ZNF717: variants seen among roughly 807,000 people sequenced by gnomAD.
ZNF717 encodes zinc finger protein 717.
ZNF717 carries 9 observed loss-of-function variants against 13.8 expected under a neutral mutation model. That is an observed-to-expected ratio of 0.65 (90% CI 0.39 to 1.14). The LOEUF (loss-of-function observed/expected upper bound fraction) is 1.14, where lower values mean the gene tolerates loss of function less well. Ranked by LOEUF, ZNF717 falls within the 50% of genes most tolerant of loss-of-function variation. ZNF717 has a pLI of 0.01. For synonymous variants in ZNF717, 327 were observed against 364.1 expected (o/e 0.90, Z 1.16); for missense variants, 1,040 against 1,080.7 (o/e 0.96, Z 0.53).
At chr3:75,728,507 T>C (rs1938343544), downstream of ZNF717, among the ~76,000 whole-genome samples, 1 of 152,244 alleles carries the variant, frequency 6.6e-6, no homozygotes, top group African/African-American at 2.4e-5. Context: ...AATCTCACCA[T>C]AAATTGCAAT....
In ZNF717 at chr3:75,720,867, CCTTT is replaced by C. The variant is rs1938154430; in HGVS notation, n.545-4330_545-4327del. On this transcript the variant is annotated intron_variant and non_coding_transcript_variant, in intron 4 of 5. Transcript: ENST00000491507. ...AAATACTCAAAATAAAAAGCAATCG[CCTTT>C]CTTACTCCTTCTTCTCTCTTCATTC... Among the ~76,000 whole-genome samples the C allele has an allele frequency of 9.9e-5, 15 of 152,220 alleles. No individual in the cohort carries two copies. The South Asian group carries it at 3.1e-3, about 32-fold the overall frequency.
chr3:75,753,864 C>T (rs1331163931), intron 2 of ZNF717, among the ~76,000 whole-genome samples: 4 of 149,108 alleles, frequency 2.7e-5, no homozygotes, highest in Non-Finnish European at 4.5e-5. Context: ...CAGAACACTG[C>T]TACAAGGGTC....
downstream of ZNF717, among the ~76,000 whole-genome samples, chr3:75,707,594 C>A (rs75527496): frequency 9.3e-6 from 1 of 107,860 alleles, no homozygotes; most frequent in Non-Finnish European, 2.0e-5. Flanking sequence ...GAGTGCCAGA[C>A]AGTGGGTGCA....
downstream of ZNF717, among the ~76,000 whole-genome samples, chr3:75,731,604 C>T (rs2918498): frequency 0.85 from 127,309 of 150,518 alleles, 52,771 homozygotes; most frequent in East Asian, 0.9. Context: ...AATCAGTCCA[C>T]CTTAACAACA....
rs546577470 is a variant in ZNF717 at position 75,778,305 on chromosome 3, G to A, written c.57+5001C>T. ...CTAAAACTGGAACCCAAAACAATGG[G>A]AGTGATCTGCTAAAACCGGAACCCA... On this transcript the variant is annotated intron_variant, in intron 2 of 4. Transcript: ENST00000652011. 8.1e-4 allele frequency among the ~76,000 whole-genome samples: 123 copies of A among 151,786 alleles called. 1 individual carries two copies. Among genetic ancestry groups the A allele is most frequent in the African/African-American group, 2.7e-3 (112 of 41,444 alleles).
At chr3:75,702,495 G>T in intron 6 of ZNF717, among the ~76,000 whole-genome samples, 1 of 151,076 alleles carries the variant, frequency 6.6e-6, no homozygotes, top group Non-Finnish European at 1.5e-5. Context: ...GGAACAGGGG[G>T]ATAGTGGGGG....
chr3:75,782,694 A>G (rs76739768), intron 2 of ZNF717, among the ~76,000 whole-genome samples: 3 of 139,926 alleles, frequency 2.1e-5, no homozygotes, highest in South Asian at 2.2e-4. Context: ...CATTTCCACT[A>G]CACAACACAC....
intron 2 of ZNF717, among the ~76,000 whole-genome samples, chr3:75,748,113 GA>G: frequency 6.6e-6 from 1 of 152,162 alleles, no homozygotes; most frequent in Non-Finnish European, 1.5e-5. Context: ...TAAATTCCTT[GA>G]CACATAAACC....
chr3:75,732,104 C>G, downstream of ZNF717: 1 of 703,008 alleles, frequency 1.4e-6, no homozygotes, highest in South Asian at 1.5e-5. Flanking sequence ...CCTGAGAAAA[C>G]TTGCTTCTTG....
chr3:75,726,356 C>T (rs1310307813), downstream of ZNF717, among the ~76,000 whole-genome samples: 1 of 152,264 alleles, frequency 6.6e-6, no homozygotes, highest in Non-Finnish European at 1.5e-5. Context: ...GGCACAGTGG[C>T]TCATGCCTGT....
intron 2 of ZNF717, among the ~76,000 whole-genome samples, chr3:75,770,108 G>A (rs1241828394): frequency 2.0e-5 from 3 of 152,126 alleles, no homozygotes; most frequent in Admixed American, 6.5e-5. Flanking sequence ...CACAGTGCTG[G>A]CCAGATGCAC....
At chr3:75,747,732 G>A (rs1352103392) in intron 2 of ZNF717, among the ~76,000 whole-genome samples, 9 of 152,178 alleles carry the variant, frequency 5.9e-5, no homozygotes, top group Non-Finnish European at 1.0e-4. Context: ...CTTCGCTGAA[G>A]CTGCTTATCA....
chr3:75,738,151 T>A lies in ZNF717; in HGVS notation c.1472A>T (p.Lys491Met). Residue 491 changes from lysine to methionine, a missense_variant, in exon 5 of 5, where the codon AAG becomes ATG. Physicochemically the swap from Lys to Met is moderately conservative, Grantham distance 95. Transcript: ENST00000652011. Reference protein sequence around the residue: ...CNECGKTFHRKSFLTIHQWTH... With the variant: ...CNECGKTFHRMSFLTIHQWTH... ...CCATTGATGGATAGTGAGGAATGAC[T>A]TACGGTGAAACGTTTTCCCACATTC... The A allele has an allele frequency of 1.5e-6, 2 of 1,368,854 alleles. No individual in the cohort carries two copies. Among genetic ancestry groups the A allele is most frequent in the Non-Finnish European group, 2.0e-6 (2 of 985,914 alleles). 84.8% of individuals were successfully genotyped at this position (1,368,854 alleles called of 1,614,324 possible).
chr3:75,710,653 C>T (rs1233548937), exon 6 of ZNF717: 1 of 152,150 alleles, frequency 6.6e-6, no homozygotes, highest in African/African-American at 2.4e-5. Context: ...TTGGTGCACT[C>T]TTTCTGTGAT....
chr3:75,769,453 C>G (rs557798554), intron 2 of ZNF717, among the ~76,000 whole-genome samples: 4 of 152,154 alleles, frequency 2.6e-5, no homozygotes, highest in Non-Finnish European at 5.9e-5. Context: ...ACCACCCTGT[C>G]CAGTGTCTTG....
intron 2 of ZNF717, among the ~76,000 whole-genome samples, chr3:75,756,690 T>C (rs1942516965): frequency 6.6e-6 from 1 of 152,162 alleles, no homozygotes; most frequent in Admixed American, 6.5e-5. Flanking sequence ...TTCTGTTTTT[T>C]TGAGACGGAG....
At chr3:75,747,610 C>T (rs1575811720) in intron 2 of ZNF717, among the ~76,000 whole-genome samples, 1 of 152,108 alleles carries the variant, frequency 6.6e-6, no homozygotes, top group African/African-American at 2.4e-5. Flanking sequence ...GTAACTTATT[C>T]TCTTTGAAGC....
At chr3:75,769,080 C>A (rs188503142) in intron 2 of ZNF717, among the ~76,000 whole-genome samples, 1 of 152,172 alleles carries the variant, frequency 6.6e-6, no homozygotes, top group African/African-American at 2.4e-5. Context: ...CAGGTTCCTA[C>A]TATGCTTCTC....
At chr3:75,727,432 G>A (rs1938307767), downstream of ZNF717, among the ~76,000 whole-genome samples, 1 of 152,152 alleles carries the variant, frequency 6.6e-6, no homozygotes, top group African/African-American at 2.4e-5. Flanking sequence ...AGATGGACGT[G>A]TGAGTAAGAG....
Sources: allele counts gnomAD v4.1 joint callset (sites outside exome capture counted in the v4.1 genomes callset), GRCh38; gene constraint gnomAD v4.1.1; transcripts MANE v1.5; gene names NCBI Gene and HGNC (gene_info 2026-07-23, HGNC 2026-07-21).